CDC42BPA: variants seen among roughly 807,000 people sequenced by gnomAD.
The protein encoded by CDC42BPA is CDC42 binding protein kinase alpha, also known as serine/threonine-protein kinase MRCK alpha.
Under a neutral mutation model 223.5 loss-of-function variants are expected in CDC42BPA, and 80 were observed. The ratio of observed to expected loss-of-function variants is 0.36; its 90% CI spans 0.30 to 0.43. The LOEUF (loss-of-function observed/expected upper bound fraction) is 0.43, where lower values mean the gene tolerates loss of function less well. Ranked by LOEUF, CDC42BPA falls within the 20% of genes least tolerant of loss-of-function variation. The pLI, the probability that CDC42BPA is intolerant of heterozygous loss-of-function variation, is 1.00. For synonymous variants in CDC42BPA, 694 were observed against 718.6 expected (o/e 0.97, Z 0.55); for missense variants, 1,743 against 2,099.9 (o/e 0.83, Z 3.32).
Position 227,317,947 on chromosome 1 carries a change from T to C in CDC42BPA, c.-765A>G, listed in dbSNP as rs1161027430. On this transcript the variant is annotated 5_prime_UTR_variant, in exon 1 of 37. Coordinates refer to ENST00000366766, the MANE Select transcript of CDC42BPA (RefSeq NM_001394014.1). The stretch of plus-strand genomic sequence containing the variant: ...TTCCTCCCGGCTTCACCCTAGGGCC[T>C]GACCGGCGGCGCGGCCGGGGGTGGA... The C allele has an allele frequency of 2.5e-5, 10 of 396,592 alleles. No individual in the cohort carries two copies. In the Admixed American group the frequency reaches 4.4e-4, roughly 18 times the overall value. The allele number at this position is 396,592 out of a possible 1,614,324, so 24.6% of individuals were successfully genotyped here. A position where few individuals can be genotyped will look rare whatever the true frequency, so the allele number is the denominator to read the frequency against.
intron 21 of CDC42BPA, among the ~76,000 whole-genome samples, chr1:227,066,686 G>A (rs1326949037): frequency 1.3e-5 from 2 of 152,098 alleles, no homozygotes; most frequent in Non-Finnish European, 2.9e-5. Context: ...AAGCATTTAA[G>A]TGAAACTGAA....
At chr1:227,164,716 G>A (rs1035812999) in intron 5 of CDC42BPA, among the ~76,000 whole-genome samples, 14 of 151,716 alleles carry the variant, frequency 9.2e-5, no homozygotes, top group South Asian at 2.1e-4. Flanking sequence ...ACACACAAAC[G>A]CACACACACA....
chr1:227,250,621 GAA>G (rs1491397151), intron 2 of CDC42BPA, among the ~76,000 whole-genome samples: 21 of 149,658 alleles, frequency 1.4e-4, no homozygotes, highest in African/African-American at 3.5e-4. Context: ...TTTTGAAACT[GAA>G]GTGTGTGTGT....
intron 17 of CDC42BPA, among the ~76,000 whole-genome samples, chr1:227,077,591 G>A (rs1679765663): frequency 6.6e-6 from 1 of 151,968 alleles, no homozygotes; most frequent in Admixed American, 6.6e-5. Flanking sequence ...CCACTTCACT[G>A]GCCTTATTCA....
intron 17 of CDC42BPA, among the ~76,000 whole-genome samples, chr1:227,078,903 A>T (rs1680046589): frequency 1.3e-5 from 2 of 152,152 alleles, no homozygotes; most frequent in Admixed American, 1.3e-4. Context: ...AAGATGCTTA[A>T]ATTTTTGGAT....
At chr1:227,275,810 G>A (rs563805401) in intron 1 of CDC42BPA, among the ~76,000 whole-genome samples, 192 of 152,320 alleles carry the variant, frequency 1.3e-3, no homozygotes, top group African/African-American at 3.8e-3. Flanking sequence ...CGCCATGTTC[G>A]CCGGGCTGGT....
chr1:227,249,365 G>T lies in CDC42BPA; in HGVS notation c.270+4699C>A, dbSNP rs553169042. Among the ~76,000 whole-genome samples the T allele has an allele frequency of 2.6e-5, 4 of 152,222 alleles. No individual in the cohort carries two copies. The South Asian group carries it at 8.3e-4, about 32-fold the overall frequency. On this transcript the variant is annotated intron_variant, in intron 2 of 36. Coordinates refer to ENST00000366766, the MANE Select transcript of CDC42BPA (RefSeq NM_001394014.1). ...CATTGGTGAAAATCTCCAGGACACT[G>T]GTCTGCACAAAAATTTCTTAAAACA...
chr1:227,301,142 C>G (rs902829539), intron 1 of CDC42BPA, among the ~76,000 whole-genome samples: 4 of 152,088 alleles, frequency 2.6e-5, no homozygotes, highest in African/African-American at 9.7e-5. Context: ...CAACTAAACT[C>G]CTAAGACAAA....
intron 1 of CDC42BPA, among the ~76,000 whole-genome samples, chr1:227,312,156 A>AT (rs1378856474): frequency 6.6e-6 from 1 of 152,000 alleles, no homozygotes; most frequent in Non-Finnish European, 1.5e-5. Flanking sequence ...CTAGTCTTTA[A>AT]TTTTTTTTAA....
intron 12 of CDC42BPA, among the ~76,000 whole-genome samples, chr1:227,117,575 A>T (rs1687964374): frequency 6.6e-6 from 1 of 152,132 alleles, no homozygotes; most frequent in Non-Finnish European, 1.5e-5. Context: ...TCAGCCTCTC[A>T]AAAGTGCCAG....
chr1:227,067,575 A>G (rs954422482), intron 21 of CDC42BPA, among the ~76,000 whole-genome samples: 1 of 152,170 alleles, frequency 6.6e-6, no homozygotes, highest in African/African-American at 2.4e-5. Context: ...GTACACGAGG[A>G]GAGTTCTCTT....
intron 2 of CDC42BPA, among the ~76,000 whole-genome samples, chr1:227,247,640 T>G (rs1036733657): frequency 1.3e-5 from 2 of 151,770 alleles, no homozygotes; most frequent in African/African-American, 4.8e-5. Flanking sequence ...ATCCCAACAC[T>G]TTGGGAGGCC....
chr1:227,211,121 T>C (rs1208760396), intron 3 of CDC42BPA, among the ~76,000 whole-genome samples: 1 of 152,162 alleles, frequency 6.6e-6, no homozygotes, highest in African/African-American at 2.4e-5. Flanking sequence ...ATCCAACCAG[T>C]GACAGTAAGG....
At chr1:227,134,806 A>T (rs891168575) in intron 10 of CDC42BPA, among the ~76,000 whole-genome samples, 116 of 152,344 alleles carry the variant, frequency 7.6e-4, no homozygotes, top group African/African-American at 2.7e-3. Flanking sequence ...TAAAAATACC[A>T]AGAACAAATT....
At chr1:226,998,003 C>T (rs1185466459) in intron 35 of CDC42BPA, among the ~76,000 whole-genome samples, 1 of 151,988 alleles carries the variant, frequency 6.6e-6, no homozygotes, top group Admixed American at 6.6e-5. Context: ...TTCCTACACA[C>T]CAATAATAGA....
intron 1 of CDC42BPA, among the ~76,000 whole-genome samples, chr1:227,308,152 T>C (rs10495254): frequency 0.16 from 23,971 of 152,170 alleles, 2,178 homozygotes; most frequent in East Asian, 0.37. Flanking sequence ...TAGCTATGCA[T>C]TTCAGTTATT....
chr1:227,143,906 T>C (rs971838071), intron 8 of CDC42BPA, among the ~76,000 whole-genome samples: 3 of 152,242 alleles, frequency 2.0e-5, no homozygotes, highest in African/African-American at 7.2e-5. Context: ...AACTGTACTA[T>C]GTATTTAATT....
intron 4 of CDC42BPA, among the ~76,000 whole-genome samples, chr1:227,196,582 G>A (rs190595229): frequency 0.019 from 2,832 of 151,756 alleles, 62 homozygotes; most frequent in African/African-American, 0.055. Flanking sequence ...CTCATGATCC[G>A]CCCGCCTTGG....
chr1:227,094,570 T>A (rs760895399), intron 15 of CDC42BPA, among the ~76,000 whole-genome samples: 1 of 152,240 alleles, frequency 6.6e-6, no homozygotes. Context: ...GCAGCTGTCC[T>A]CACTTTGGCT....
Sources: gnomAD v4.1 joint callset for allele counts (sites outside exome capture counted in the v4.1 genomes callset) on GRCh38, gnomAD v4.1.1 for gene constraint, MANE v1.5 for transcripts, NCBI Gene and HGNC (gene_info 2026-07-23, HGNC 2026-07-21) for gene names.